The following CFAP92 variants were observed in gnomAD, a reference collection of about 807,000 sequenced individuals.
CFAP92 encodes cilia and flagella associated protein 92 (putative), also known as uncharacterized protein CFAP92.
Under a neutral mutation model 106.3 loss-of-function variants are expected in CFAP92, and 86 were observed. The observed-to-expected ratio is 0.81, with a 90% CI of 0.68 to 0.97. The LOEUF is 0.97. Ranked by LOEUF, CFAP92 falls within the 50% of genes least tolerant of loss-of-function variation. CFAP92 has a pLI of 0.00. For synonymous variants in CFAP92, 477 were observed against 506.4 expected (o/e 0.94, Z 0.78); for missense variants, 1,204 against 1,283.8 (o/e 0.94, Z 0.95).
chr3:129,019,383 AT>A, the CFAP92 span, among the ~76,000 whole-genome samples: 1 of 152,138 alleles, frequency 6.6e-6, no homozygotes. Flanking sequence ...CTCACATGGG[AT>A]TTAGAAGCCC....
chr3:128,984,076 G>C (rs533456634), intron 4 of CFAP92, among the ~76,000 whole-genome samples: 2 of 152,304 alleles, frequency 1.3e-5, no homozygotes, highest in East Asian at 3.9e-4. Flanking sequence ...GGCACCAGGT[G>C]GGGGTGCCCA....
At chr3:128,944,347 T>C (rs1939989153) in intron 10 of CFAP92, among the ~76,000 whole-genome samples, 1 of 152,110 alleles carries the variant, frequency 6.6e-6, no homozygotes, top group Non-Finnish European at 1.5e-5. Context: ...AAGGCCAGCT[T>C]CTCCCGGTGC....
chr3:128,957,980 G>T (rs1403298774), intron 9 of CFAP92, among the ~76,000 whole-genome samples: 1 of 152,110 alleles, frequency 6.6e-6, no homozygotes, highest in Non-Finnish European at 1.5e-5. Flanking sequence ...GGCCCCAGAT[G>T]TCCCCTGGCA....
chr3:128,932,303 A>T (rs925516962), intron 12 of CFAP92, among the ~76,000 whole-genome samples: 1 of 152,108 alleles, frequency 6.6e-6, no homozygotes, highest in Admixed American at 6.5e-5. Flanking sequence ...TCCCTCTGTC[A>T]TGCAGATTAG....
At chr3:129,010,410 G>A in the CFAP92 span, among the ~76,000 whole-genome samples, 1 of 152,148 alleles carries the variant, frequency 6.6e-6, no homozygotes, top group Non-Finnish European at 1.5e-5. The surrounding 1 kb of genome is among the most constrained non-coding windows in gnomAD (Gnocchi z 4.3). Flanking sequence ...AGAAGAGACA[G>A]AGAGCCAGCT....
chr3:128,977,114 C>T, intron 5 of CFAP92, 48 bp from the exon 6 acceptor site: 1 of 1,511,658 alleles, frequency 6.6e-7, no homozygotes, highest in Non-Finnish European at 9.2e-7. Context: ...CATGCTAGTT[C>T]ACTAAGAAAT....
At chr3:128,937,409 G>A (rs547513212) in intron 10 of CFAP92, among the ~76,000 whole-genome samples, 11 of 151,810 alleles carry the variant, frequency 7.2e-5, no homozygotes, top group African/African-American at 1.4e-4. Flanking sequence ...TCAGGAGATC[G>A]AGACCAAGGT....
chr3:128,912,466 G>A (rs1008094791), intron 15 of CFAP92: 2 of 1,568,036 alleles, frequency 1.3e-6, no homozygotes, highest in African/African-American at 2.7e-5. Context: ...TCTTATCACG[G>A]TGCAGAAAGA....
At chr3:128,911,812 G>GAGAC in intron 15 of CFAP92, among the ~76,000 whole-genome samples, 1 of 152,332 alleles carries the variant, frequency 6.6e-6, no homozygotes, top group East Asian at 1.9e-4. Context: ...CCTGATTCTG[G>GAGAC]AGACAGCATT....
chr3:128,946,481 A>G (rs571205750), intron 9 of CFAP92, among the ~76,000 whole-genome samples: 1 of 152,360 alleles, frequency 6.6e-6, no homozygotes, highest in African/African-American at 2.4e-5. Context: ...AGCACGGAGA[A>G]CAGGGTGGAA....
At chr3:128,931,097 GT>G (rs1226590630) in intron 12 of CFAP92, among the ~76,000 whole-genome samples, 1 of 152,116 alleles carries the variant, frequency 6.6e-6, no homozygotes, top group Non-Finnish European at 1.5e-5. Context: ...GTAGAGACGG[GT>G]TTTGCCATGT....
chr3:128,991,269 C>A (rs754054748), intron 2 of CFAP92, among the ~76,000 whole-genome samples: 2 of 152,176 alleles, frequency 1.3e-5, no homozygotes, highest in Admixed American at 1.3e-4. Context: ...GTAAAGGCAT[C>A]ATTTTAGACA....
chr3:128,990,664 G>A (rs1013081448), intron 2 of CFAP92, among the ~76,000 whole-genome samples: 5 of 152,098 alleles, frequency 3.3e-5, no homozygotes, highest in African/African-American at 1.2e-4. Context: ...GGAAAGCCAA[G>A]GCGGGTGGAT....
chr3:128,947,230 G>GAA (rs1210531854), intron 9 of CFAP92, among the ~76,000 whole-genome samples: 2,617 of 138,762 alleles, frequency 0.019, 78 homozygotes, highest in African/African-American at 0.065. Context: ...AAGCACTGAT[G>GAA]AAAAAAAAAA....
chr3:128,953,719 G>T (rs1220357651), intron 9 of CFAP92, among the ~76,000 whole-genome samples: 1 of 126,756 alleles, frequency 7.9e-6, no homozygotes, highest in Non-Finnish European at 1.6e-5. Flanking sequence ...CTCCCTGCCT[G>T]ATTCTCCTGC....
chr3:128,967,290 G>A (rs994557449), intron 8 of CFAP92: 4 of 152,216 alleles, frequency 2.6e-5, no homozygotes, highest in African/African-American at 9.6e-5. Context: ...GGCGTGCACA[G>A]CTCCTGGGGG....
chr3:128,956,224 A>T (rs1447028897), intron 9 of CFAP92, among the ~76,000 whole-genome samples: 6 of 100,450 alleles, frequency 6.0e-5, no homozygotes, highest in African/African-American at 2.9e-4. Context: ...ATAAAAAAAA[A>T]AAAAGAAAAT....
chr3:128,976,270 AG>A (rs1943152000), intron 6 of CFAP92, among the ~76,000 whole-genome samples: 1 of 152,212 alleles, frequency 6.6e-6, no homozygotes, highest in Non-Finnish European at 1.5e-5. Context: ...ATTCACTTAT[AG>A]GAATTATCCA....
chr3:128,979,852 C>T (rs1436423130), intron 4 of CFAP92, among the ~76,000 whole-genome samples: 4 of 150,562 alleles, frequency 2.7e-5, no homozygotes, highest in Admixed American at 6.6e-5. Flanking sequence ...ATGTAAATGA[C>T]GAGTTAATGG....
Sources: allele counts gnomAD v4.1 joint callset (sites outside exome capture counted in the v4.1 genomes callset), GRCh38; gene constraint gnomAD v4.1.1; non-coding constraint Gnocchi (gnomAD v3.1); transcripts MANE v1.5; gene names NCBI Gene and HGNC (gene_info 2026-07-23, HGNC 2026-07-21).